PHLPP1: variants seen among roughly 807,000 people sequenced by gnomAD.
The protein encoded by PHLPP1 is PH domain and leucine rich repeat protein phosphatase 1, also known as PH domain leucine-rich repeat-containing protein phosphatase 1.
In PHLPP1, 42 loss-of-function variants were observed where a neutral mutation model predicts 117.2. That is an observed-to-expected ratio of 0.36 (90% CI 0.28 to 0.46). The LOEUF (loss-of-function observed/expected upper bound fraction) is 0.46. Ranked by LOEUF, PHLPP1 falls within the 20% of genes least tolerant of loss-of-function variation. The probability of loss-of-function intolerance (pLI) is 1.00; values close to 1 mark genes in which losing one functional copy is unlikely to be tolerated. For synonymous variants in PHLPP1, 1,042 were observed against 970.7 expected, an observed-to-expected ratio of 1.07 and a Z score of -1.37; for missense variants, 2,084 against 2,241.9, an observed-to-expected ratio of 0.93 and a Z score of 1.42.
At chr18:62,919,661 A>G (rs1180594723) in intron 9 of PHLPP1, among the ~76,000 whole-genome samples, 1 of 152,220 alleles carries the variant, frequency 6.6e-6, no homozygotes, top group Non-Finnish European at 1.5e-5. Flanking sequence ...AGAAGCATGC[A>G]GCCTTTGAAA....
chr18:62,855,157 G>C (rs897066262), intron 3 of PHLPP1, among the ~76,000 whole-genome samples: 1 of 152,188 alleles, frequency 6.6e-6, no homozygotes, highest in Non-Finnish European at 1.5e-5. Context: ...CTATCACAAA[G>C]AAGGCACTAC....
chr18:62,888,200 T>G (rs1293660247), intron 4 of PHLPP1, among the ~76,000 whole-genome samples: 1 of 152,130 alleles, frequency 6.6e-6, no homozygotes, highest in Non-Finnish European at 1.5e-5. Flanking sequence ...GTTGAACAGC[T>G]ATGAAGAAAT....
At position 62,920,007 on chromosome 18, in the gene PHLPP1, G is replaced by A; in HGVS notation, c.2853G>A (p.Gln951=). The A allele has an allele frequency of 6.2e-7, 1 of 1,610,268 alleles. No homozygotes were observed. Among genetic ancestry groups the A allele is most frequent in the African/African-American group, 1.3e-5 (1 of 75,014 alleles). Residue 951 remains glutamine, a synonymous_variant, in exon 10 of 17, where the codon CAG becomes CAA. Transcript: ENST00000262719. ...GGAAACTACTGGCAGGACACAACCA[G>A]TTGGCAAGGCTGCCTGAAAGGCTAG... ...SLRKLLAGHN[Q]LARLPERLER...
chr18:62,802,601 A>AG (rs1770070102), intron 1 of PHLPP1, among the ~76,000 whole-genome samples: 1 of 152,254 alleles, frequency 6.6e-6, no homozygotes, highest in Non-Finnish European at 1.5e-5. Context: ...TAAGTATCAT[A>AG]GGTACTTAAC....
chr18:62,764,319 C>G (rs1430273856), intron 1 of PHLPP1, among the ~76,000 whole-genome samples: 1 of 152,194 alleles, frequency 6.6e-6, no homozygotes, highest in Non-Finnish European at 1.5e-5. Context: ...TCCTCAGCCC[C>G]ATCCACTTTG....
chr18:62,846,077 C>T (rs1467149902), intron 3 of PHLPP1, among the ~76,000 whole-genome samples: 2 of 151,902 alleles, frequency 1.3e-5, no homozygotes, highest in Non-Finnish European at 2.9e-5. Context: ...GGCATGGTGG[C>T]AGGTGCCTGT....
At chr18:62,947,241 T>A (rs1300353863) in intron 12 of PHLPP1, among the ~76,000 whole-genome samples, 1 of 152,214 alleles carries the variant, frequency 6.6e-6, no homozygotes, top group African/African-American at 2.4e-5. Flanking sequence ...CTTTATAGTA[T>A]TGTTATGGAG....
chr18:62,912,859 G>C (rs1050088407), intron 8 of PHLPP1, among the ~76,000 whole-genome samples: 11 of 152,190 alleles, frequency 7.2e-5, no homozygotes, highest in Admixed American at 3.3e-4. Context: ...GACCTCAAGT[G>C]ATCCACCCGC....
At chr18:62,898,533 T>C (rs762922463) in intron 6 of PHLPP1, among the ~76,000 whole-genome samples, 2 of 152,144 alleles carry the variant, frequency 1.3e-5, no homozygotes, top group African/African-American at 2.4e-5. Flanking sequence ...TTCAAGGTAC[T>C]CAAGCCCTCA....
chr18:62,808,696 C>T (rs1914026536), intron 1 of PHLPP1, among the ~76,000 whole-genome samples: 1 of 151,992 alleles, frequency 6.6e-6, no homozygotes, highest in African/African-American at 2.4e-5. Context: ...AGATTACAGG[C>T]ATGCGCCACC....
Position 62,903,035 on chromosome 18 carries a change from G to A in PHLPP1, c.2516G>A (p.Arg839Gln), listed in dbSNP as rs866977723. Residue 839 changes from arginine (R) to glutamine (Q), a missense_variant, in exon 7 of 17, where the codon CGA (arginine) becomes CAA (glutamine). Physicochemically the swap from Arg to Gln is conservative, Grantham distance 43 (BLOSUM62 1). Coordinates refer to ENST00000262719, the MANE Select transcript of PHLPP1 (RefSeq NM_194449.4). ...FLQHVTQLDL[R>Q]DNKLGDLDAM... ...CAGCATGTTACTCAGCTTGACCTAC[G>A]AGACAATAAGCTTGGTGATCTAGAT... 1.9e-6 allele frequency: 3 copies of A among 1,613,040 alleles called. No homozygotes were observed. Among genetic ancestry groups the A allele is most frequent in the Admixed American group, 1.7e-5 (1 of 59,992 alleles).
intron 3 of PHLPP1, among the ~76,000 whole-genome samples, chr18:62,856,376 G>T (rs1385381927): frequency 1.3e-5 from 2 of 152,104 alleles, no homozygotes; most frequent in African/African-American, 4.8e-5. Context: ...CTCATTGCCA[G>T]TCACTGTCTC....
intron 4 of PHLPP1, among the ~76,000 whole-genome samples, chr18:62,877,311 A>G (rs1916071760): frequency 6.6e-6 from 1 of 152,230 alleles, no homozygotes; most frequent in Non-Finnish European, 1.5e-5. Flanking sequence ...TTTAATGGAA[A>G]TAGTGATAAT....
intron 1 of PHLPP1, among the ~76,000 whole-genome samples, chr18:62,742,858 C>G (rs1239576829): frequency 6.6e-6 from 1 of 152,170 alleles, no homozygotes; most frequent in African/African-American, 2.4e-5. Flanking sequence ...AAATTCCCTG[C>G]TGTATATTCC....
At chr18:62,760,549 C>T (rs749368590) in intron 1 of PHLPP1, among the ~76,000 whole-genome samples, 6 of 152,204 alleles carry the variant, frequency 3.9e-5, no homozygotes, top group African/African-American at 7.2e-5. Context: ...ACCAGTTTTA[C>T]GTCAGCTCTC....
At chr18:62,873,946 G>C (rs540584823) in intron 4 of PHLPP1, among the ~76,000 whole-genome samples, 111 of 150,134 alleles carry the variant, frequency 7.4e-4, no homozygotes, top group Middle Eastern at 7.0e-3. Context: ...GCACTTTGGG[G>C]GGCCAAGGCA....
chr18:62,931,205 AAAC>A (rs113705617), intron 10 of PHLPP1, among the ~76,000 whole-genome samples: 1 of 148,498 alleles, frequency 6.7e-6, no homozygotes, highest in African/African-American at 2.5e-5. Flanking sequence ...TAAAAAAAAA[AAAC>A]AACAACAACA....
At chr18:62,900,521 T>C in intron 6 of PHLPP1, among the ~76,000 whole-genome samples, 1 of 144,422 alleles carries the variant, frequency 6.9e-6, no homozygotes, top group South Asian at 2.3e-4. Flanking sequence ...TTACCCAAGC[T>C]GTGGTGCAAT....
At chr18:62,850,560 T>G (rs972713677) in intron 3 of PHLPP1, among the ~76,000 whole-genome samples, 3 of 152,164 alleles carry the variant, frequency 2.0e-5, no homozygotes, top group African/African-American at 7.2e-5. Flanking sequence ...TCAGAAACAT[T>G]CTCAGGTAGT....
Sources: allele counts gnomAD v4.1 joint callset (sites outside exome capture counted in the v4.1 genomes callset), GRCh38; gene constraint gnomAD v4.1.1; transcripts MANE v1.5; gene names NCBI Gene and HGNC (gene_info 2026-07-23, HGNC 2026-07-21).